The following UNC13C variants were observed in gnomAD, a reference collection of about 807,000 sequenced individuals.
UNC13C encodes the protein unc-13 homolog C.
In UNC13C, 174 loss-of-function variants were observed where a neutral mutation model predicts 245.4. The ratio of observed to expected loss-of-function variants is 0.71; its 90% CI spans 0.63 to 0.80. The LOEUF (loss-of-function observed/expected upper bound fraction) is 0.80, where lower values mean the gene tolerates loss of function less well. UNC13C is among the 30% of genes least tolerant of loss of function. The probability of loss-of-function intolerance (pLI) is 0.00; values close to 1 mark genes in which losing one functional copy is unlikely to be tolerated. For missense variants in UNC13C, 2,829 were observed against 2,602.9 expected (o/e 1.09, Z -1.89); for synonymous variants, 992 against 895.1 (o/e 1.11, Z -1.93).
the UNC13C span, among the ~76,000 whole-genome samples, chr15:53,938,280 G>A: frequency 3.9e-5 from 6 of 152,080 alleles, no homozygotes; most frequent in Admixed American, 3.3e-4. Context: ...GACAAAGAAG[G>A]GCATTACATA....
intron 2 of UNC13C, among the ~76,000 whole-genome samples, chr15:54,136,206 C>G (rs1364485585): frequency 6.6e-6 from 1 of 152,170 alleles, no homozygotes; most frequent in Admixed American, 6.5e-5. Context: ...GGGGTAATCA[C>G]TGCTAACTGC....
the UNC13C span, among the ~76,000 whole-genome samples, chr15:53,841,782 A>G: frequency 6.6e-6 from 1 of 152,176 alleles, no homozygotes; most frequent in East Asian, 1.9e-4. Flanking sequence ...TTGCCAGAGA[A>G]AGTAAATAAG....
chr15:54,313,462 A>T (rs1190270574), intron 13 of UNC13C, among the ~76,000 whole-genome samples: 1 of 151,810 alleles, frequency 6.6e-6, no homozygotes, highest in Non-Finnish European at 1.5e-5. Flanking sequence ...AATTTTGCTG[A>T]TTCAAATTTT....
At chr15:54,496,021 A>G (rs1893935488) in intron 20 of UNC13C, among the ~76,000 whole-genome samples, 1 of 152,040 alleles carries the variant, frequency 6.6e-6, no homozygotes, top group African/African-American at 2.4e-5. Flanking sequence ...GGTGACTGTA[A>G]TTAGTGTATC....
intron 4 of UNC13C, among the ~76,000 whole-genome samples, chr15:54,234,615 C>T (rs1415322167): frequency 6.6e-6 from 1 of 152,116 alleles, no homozygotes. Flanking sequence ...CAGAAGCACA[C>T]AATAACTGGT....
At chr15:54,069,853 A>G (rs746657204) in intron 2 of UNC13C, among the ~76,000 whole-genome samples, 5 of 152,252 alleles carry the variant, frequency 3.3e-5, no homozygotes, top group South Asian at 2.1e-4. Flanking sequence ...GTAGTCCTCA[A>G]TCTTCTGTAA....
At chr15:53,937,809 T>C in the UNC13C span, among the ~76,000 whole-genome samples, 2 of 152,178 alleles carry the variant, frequency 1.3e-5, no homozygotes, top group African/African-American at 2.4e-5. Context: ...CGGAGAACAA[T>C]GTTCCTTTCA....
chr15:54,531,044 T>C (rs899087707), intron 25 of UNC13C, among the ~76,000 whole-genome samples: 3 of 152,214 alleles, frequency 2.0e-5, no homozygotes, highest in African/African-American at 7.2e-5. Context: ...AAGGGGTCTA[T>C]AGTGGCATTT....
intron 23 of UNC13C, 74 bp from the exon 24 acceptor site, chr15:54,511,679 C>T (rs1345464857): frequency 6.6e-6 from 7 of 1,053,134 alleles, no homozygotes; most frequent in Non-Finnish European, 7.0e-6. Context: ...TTTTCCACCA[C>T]TTATAAGTTA....
the UNC13C span, among the ~76,000 whole-genome samples, chr15:53,901,102 A>G: frequency 4.7e-4 from 72 of 152,026 alleles, 1 homozygote; most frequent in African/African-American, 1.7e-3. Context: ...TTTCTTCTAT[A>G]TTTAATTTAT....
the UNC13C span, among the ~76,000 whole-genome samples, chr15:53,890,376 C>T: frequency 5.3e-5 from 8 of 152,206 alleles, no homozygotes; most frequent in South Asian, 2.1e-4. Context: ...CTCCTGACCT[C>T]GTGATCCACC....
chr15:54,338,528 G>T, intron 17 of UNC13C, 39 bp downstream of exon 17: 5 of 1,602,940 alleles, frequency 3.1e-6, no homozygotes, highest in Non-Finnish European at 4.3e-6. Flanking sequence ...CGCCACTTTT[G>T]TTTCTAGTAT....
chr15:54,253,563 G>T (rs1596088832), intron 8 of UNC13C, among the ~76,000 whole-genome samples: 2 of 152,258 alleles, frequency 1.3e-5, no homozygotes, highest in South Asian at 4.1e-4. Flanking sequence ...TAGTTCATTT[G>T]CGTCTCGTCG....
intron 19 of UNC13C, among the ~76,000 whole-genome samples, chr15:54,437,279 C>T (rs556082116): frequency 7.9e-5 from 12 of 151,942 alleles, no homozygotes; most frequent in South Asian, 4.2e-4. Flanking sequence ...ATTTTAGTCA[C>T]GAAACAATTA....
chr15:54,445,398 A>G (rs1392930764), intron 19 of UNC13C, among the ~76,000 whole-genome samples: 1 of 152,140 alleles, frequency 6.6e-6, no homozygotes, highest in East Asian at 1.9e-4. Flanking sequence ...CAATGGTTGA[A>G]CTAGTTTACA....
chr15:53,996,880 A>G (rs1249276619), intron 1 of UNC13C, among the ~76,000 whole-genome samples: 1 of 151,864 alleles, frequency 6.6e-6, no homozygotes, highest in East Asian at 1.9e-4. Context: ...TATCAGAAAA[A>G]ATCTTATACA....
chr15:54,024,031 TAAGATAGCA>T (rs994036778), intron 2 of UNC13C, among the ~76,000 whole-genome samples: 2 of 152,158 alleles, frequency 1.3e-5, no homozygotes, highest in Non-Finnish European at 2.9e-5. Flanking sequence ...AACTCTGGTG[TAAGATAGCA>T]AAGGATAGCC....
chr15:54,297,335 G>A (rs2037462546), intron 11 of UNC13C, among the ~76,000 whole-genome samples: 1 of 150,974 alleles, frequency 6.6e-6, no homozygotes, highest in Admixed American at 6.6e-5. Context: ...ATTGTATTTA[G>A]GGGAATCATA....
In UNC13C at chr15:54,306,730, G is replaced by A. The variant is rs559366084; in HGVS notation, c.4268+6357G>A. On this transcript the variant is annotated intron_variant, in intron 13 of 32. Coordinates refer to ENST00000260323, the MANE Select transcript of UNC13C (RefSeq NM_001080534.3). ...AAGTCTGAGATTCTATTAGGCTATG[G>A]TTTTGCCTCTACAATAGCAAAGGAG... Among the ~76,000 whole-genome samples the A allele has an allele frequency of 9.9e-5, 15 of 152,066 alleles. No individual in the cohort carries two copies. The South Asian group carries it at 2.9e-3, about 29-fold the overall frequency.
Sources: allele counts gnomAD v4.1 joint callset (sites outside exome capture counted in the v4.1 genomes callset), GRCh38; gene constraint gnomAD v4.1.1; transcripts MANE v1.5; gene names NCBI Gene and HGNC (gene_info 2026-07-23, HGNC 2026-07-21).